Variants in FAM53A observed in about 807,000 individuals in gnomAD.
FAM53A encodes the protein protein FAM53A.
Under a neutral mutation model 26.6 loss-of-function variants are expected in FAM53A, and 28 were observed. The ratio of observed to expected loss-of-function variants is 1.05; its 90% CI spans 0.78 to 1.45. The LOEUF (loss-of-function observed/expected upper bound fraction) is 1.45. Ranked by LOEUF, FAM53A falls within the 40% of genes most tolerant of loss-of-function variation. The pLI, the probability that FAM53A is intolerant of heterozygous loss-of-function variation, is 0.00. For synonymous variants in FAM53A, 290 were observed against 253.1 expected (o/e 1.15, Z -1.38); for missense variants, 650 against 575.8 (o/e 1.13, Z -1.32).
At chr4:1,619,391 C>T (rs979777778) in intron 1 of FAM53A, among the ~76,000 whole-genome samples, 6 of 152,180 alleles carry the variant, frequency 3.9e-5, no homozygotes, top group African/African-American at 7.2e-5. Flanking sequence ...GCTGGTGGCG[C>T]GCATGGAGGG....
intron 3 of FAM53A, among the ~76,000 whole-genome samples, chr4:1,656,270 C>A (rs541198952): frequency 4.6e-5 from 7 of 152,318 alleles, no homozygotes; most frequent in African/African-American, 1.7e-4. Context: ...CTTCCCAAGT[C>A]TCACTTCCTG....
At chr4:1,649,117 GGGAAGA>G (rs1302354460) in intron 4 of FAM53A, among the ~76,000 whole-genome samples, 6 of 149,252 alleles carry the variant, frequency 4.0e-5, no homozygotes, top group African/African-American at 9.9e-5. Flanking sequence ...GAAAGGGAAA[GGGAAGA>G]GGAAGGGGAA....
At chr4:1,634,428 G>A (rs1046007210) in intron 1 of FAM53A, among the ~76,000 whole-genome samples, 5 of 152,218 alleles carry the variant, frequency 3.3e-5, no homozygotes, top group East Asian at 1.9e-4. Context: ...CCACCACCTC[G>A]GCCACCATGT....
chr4:1,602,669 G>A, the FAM53A span, among the ~76,000 whole-genome samples: 389 of 152,302 alleles, frequency 2.6e-3, 2 homozygotes, highest in African/African-American at 9.0e-3. Context: ...CCCTCCGCGC[G>A]CCCCCTCCCC....
the FAM53A span, among the ~76,000 whole-genome samples, chr4:1,608,186 G>A: frequency 1.5e-5 from 2 of 131,280 alleles, no homozygotes; most frequent in Non-Finnish European, 3.2e-5. Flanking sequence ...AGCCACTGAT[G>A]GTGCCCCTAT....
intron 2 of FAM53A, 34 bp downstream of exon 2, chr4:1,668,633 G>A (rs764602366): frequency 6.2e-7 from 1 of 1,612,794 alleles, no homozygotes; most frequent in Non-Finnish European, 8.5e-7. Flanking sequence ...ACGGGGGAGG[G>A]GCACCCAGCC....
At position 1,655,415 on chromosome 4, in the gene FAM53A, A is replaced by G. The variant is rs1713267263; in HGVS notation, c.445T>C (p.Ser149Pro). Residue 149 changes from serine to proline, a missense_variant, in exon 4 of 5, where the codon TCC becomes CCC. Ser to Pro is a moderately conservative substitution (Grantham distance 74). Coordinates refer to ENST00000308132, the MANE Select transcript of FAM53A (RefSeq NM_001174070.3). ...CCGCCGCTGTCGCACCGCCTCTTGG[A>G]GACTGGAGTCCAGACCTTGGAGCTG... ...PGSSKVWTPV[S>P]KRRCDSGGSA... 2.7e-6 allele frequency: 4 copies of G among 1,487,422 alleles called. No individual in the cohort carries two copies. 92.1% of individuals were successfully genotyped at this position (1,487,422 alleles called of 1,614,324 possible). A position where few individuals can be genotyped will look rare whatever the true frequency, so the allele number is the denominator to read the frequency against.
At chr4:1,602,855 G>C in the FAM53A span, among the ~76,000 whole-genome samples, 1 of 152,114 alleles carries the variant, frequency 6.6e-6, no homozygotes, top group Admixed American at 6.5e-5. Flanking sequence ...CCGGCGGGAG[G>C]GGCTGCTTGG....
At chr4:1,672,931 A>G (rs1435291067) in intron 1 of FAM53A, among the ~76,000 whole-genome samples, 2 of 151,692 alleles carry the variant, frequency 1.3e-5, no homozygotes, top group African/African-American at 4.8e-5. Context: ...TACCACACCC[A>G]GCTAATTTTT....
chr4:1,593,918 A>T, the FAM53A span, among the ~76,000 whole-genome samples: 1 of 152,200 alleles, frequency 6.6e-6, no homozygotes, highest in East Asian at 1.9e-4. Flanking sequence ...GGGGCAGGGT[A>T]ACTCTTGACC....
chr4:1,587,186 G>C, the FAM53A span, among the ~76,000 whole-genome samples: 1 of 152,080 alleles, frequency 6.6e-6, no homozygotes, highest in African/African-American at 2.4e-5. Context: ...CCATTCCACT[G>C]GTTGTCTCTT....
At chr4:1,601,215 C>CAGTGG in the FAM53A span, among the ~76,000 whole-genome samples, 1 of 152,034 alleles carries the variant, frequency 6.6e-6, no homozygotes, top group East Asian at 1.9e-4. Flanking sequence ...CCAGGGGACC[C>CAGTGG]CTGGAGCCGC....
the FAM53A span, among the ~76,000 whole-genome samples, chr4:1,591,760 G>C: frequency 5.3e-5 from 8 of 152,126 alleles, no homozygotes; most frequent in Admixed American, 5.2e-4. Context: ...AGGGATCTTA[G>C]CAGCAGAAGG....
intron 1 of FAM53A, 71 bp downstream of exon 1, chr4:1,684,162 G>C (rs952543875): frequency 5.3e-5 from 8 of 151,344 alleles, no homozygotes; most frequent in African/African-American, 1.9e-4. Context: ...GCTCGGAGCC[G>C]GTGCGCCGAG....
the FAM53A span, among the ~76,000 whole-genome samples, chr4:1,576,195 T>C: frequency 6.6e-6 from 1 of 152,228 alleles, no homozygotes; most frequent in African/African-American, 2.4e-5. Flanking sequence ...AAAGATCCCA[T>C]TTAATCTCGC....
chr4:1,634,294 G>A (rs145969574), intron 1 of FAM53A, among the ~76,000 whole-genome samples: 3 of 152,224 alleles, frequency 2.0e-5, no homozygotes, highest in African/African-American at 7.2e-5. Context: ...GGTCTCTGCT[G>A]AGGGCTCCTG....
chr4:1,592,864 C>CA, the FAM53A span, among the ~76,000 whole-genome samples: 1 of 152,164 alleles, frequency 6.6e-6, no homozygotes. Context: ...TGGAGCCCCC[C>CA]AGACACGGGC....
intron 1 of FAM53A, among the ~76,000 whole-genome samples, chr4:1,669,175 CAA>C (rs1446903982): frequency 6.6e-6 from 1 of 152,110 alleles, no homozygotes; most frequent in Non-Finnish European, 1.5e-5. Context: ...GCCTCTGCTC[CAA>C]AAAAGAGGAA....
chr4:1,601,393 C>T, the FAM53A span, among the ~76,000 whole-genome samples: 2 of 113,104 alleles, frequency 1.8e-5, no homozygotes, highest in African/African-American at 5.7e-5. Context: ...CCACCGTTCA[C>T]ACAGGCCAGG....
Sources: allele counts gnomAD v4.1 joint callset (sites outside exome capture counted in the v4.1 genomes callset), GRCh38; gene constraint gnomAD v4.1.1; transcripts MANE v1.5; gene names NCBI Gene and HGNC (gene_info 2026-07-23, HGNC 2026-07-21).